The following DNM2 variants were observed in gnomAD, a reference collection of about 807,000 sequenced individuals.
DNM2 encodes the protein dynamin 2, also known as dynamin-2.
A neutral mutation model predicts 99.0 loss-of-function variants in DNM2; 15 were observed. The observed-to-expected ratio is 0.15, with a 90% confidence interval of 0.10 to 0.23. DNM2 has a LOEUF of 0.23. DNM2 is among the 10% of genes least tolerant of loss of function. The probability of loss-of-function intolerance (pLI) is 1.00; values close to 1 mark genes in which losing one functional copy is unlikely to be tolerated. For synonymous variants in DNM2, 525 were observed against 481.2 expected (o/e 1.09, Z -1.19); for missense variants, 742 against 1,189.4 (o/e 0.62, Z 5.53).
chr19:10,830,000 G>C, intron 19 of DNM2, 127 bp from the exon 20 acceptor site: 1 of 1,400,942 alleles, frequency 7.1e-7, no homozygotes, highest in Middle Eastern at 2.1e-4. Context: ...GTTGGGGTGG[G>C]AGGATCCCAC....
At position 10,765,621 on chromosome 19, in the gene DNM2, G is replaced by A. The variant is rs773851841; in HGVS notation, c.235+5810G>A. ...CTGGGAGATATTTGCGTATTGCCTC[G>A]GATTAGAGAGAACTCAAGGGCTAAA... On this transcript the variant is annotated intron_variant, in intron 2 of 20. Coordinates refer to ENST00000389253, the MANE Select transcript of DNM2 (RefSeq NM_001005361.3). The surrounding 1 kb of genome is among the most constrained non-coding windows in gnomAD (Gnocchi z 4.4). Among the ~76,000 whole-genome samples the A allele has an allele frequency of 6.6e-6, 1 of 152,150 alleles. No individual in the cohort carries two copies. Among genetic ancestry groups the A allele is most frequent in the Non-Finnish European group, 1.5e-5 (1 of 68,024 alleles).
chr19:10,824,099 C>T, intron 17 of DNM2, 200 bp downstream of exon 17: 1 of 599,004 alleles, frequency 1.7e-6, no homozygotes, highest in Non-Finnish European at 3.0e-6. Flanking sequence ...CTCACGGAAG[C>T]CAGTGACCGG....
At chr19:10,809,623 C>G (rs986703769) in intron 14 of DNM2, 3 of 152,526 alleles carry the variant, frequency 2.0e-5, no homozygotes, top group Admixed American at 6.5e-5. Flanking sequence ...GCTCAAGGAG[C>G]TCACCTCTAG....
intron 1 of DNM2, among the ~76,000 whole-genome samples, chr19:10,731,647 C>T (rs1294366359): frequency 1.3e-5 from 2 of 152,248 alleles, no homozygotes; most frequent in Non-Finnish European, 1.5e-5. Context: ...AGCCGCCGTG[C>T]CCGGCCCCCA....
chr19:10,741,912 ACCTTCCTCTTTC>A (rs368532099), intron 1 of DNM2, among the ~76,000 whole-genome samples: 2 of 134,906 alleles, frequency 1.5e-5, no homozygotes, highest in African/African-American at 5.7e-5. Context: ...CTTCCTCTTT[ACCTTCCTCTTTC>A]CCTCCCTCCC....
At chr19:10,728,719 G>A (rs932001524) in intron 1 of DNM2, among the ~76,000 whole-genome samples, 3 of 152,092 alleles carry the variant, frequency 2.0e-5, no homozygotes, top group Non-Finnish European at 4.4e-5. Context: ...AGGCCAAGGC[G>A]GGCAGATCAC....
chr19:10,792,019 C>T (rs1449954492), intron 7 of DNM2, among the ~76,000 whole-genome samples: 3 of 152,104 alleles, frequency 2.0e-5, no homozygotes, highest in Non-Finnish European at 1.5e-5. Flanking sequence ...ACCCGGCAGG[C>T]GGAGGTTGCA....
intron 1 of DNM2, among the ~76,000 whole-genome samples, chr19:10,756,083 A>G (rs1177315253): frequency 6.6e-6 from 1 of 152,126 alleles, no homozygotes; most frequent in Admixed American, 6.6e-5. Flanking sequence ...TGTGGCGTTC[A>G]TGAGGTTAAT....
At chr19:10,732,029 G>A (rs191873915) in intron 1 of DNM2, among the ~76,000 whole-genome samples, 5 of 148,588 alleles carry the variant, frequency 3.4e-5, no homozygotes, top group Non-Finnish European at 7.4e-5. Context: ...ATCTCGGCTC[G>A]CTGCAACCTC....
chr19:10,765,696 G>T lies in DNM2; in HGVS notation c.235+5885G>T, dbSNP rs959691268. 3.3e-5 allele frequency among the ~76,000 whole-genome samples: 5 copies of T among 152,230 alleles called. No individual in the cohort carries two copies. The highest frequency in any genetic ancestry group is 1.2e-4 in the African/African-American group (5 of 41,466). On this transcript the variant is annotated intron_variant, in intron 2 of 20. Coordinates refer to ENST00000389253, the MANE Select transcript of DNM2 (RefSeq NM_001005361.3). The surrounding 1 kb of genome is among the most constrained non-coding windows in gnomAD (Gnocchi z 4.4). ...GTGCCCACTTCTTGGTCTGCTGAAG[G>T]CTCTCAAAAGTCCTGCATGAGTGGA...
intron 1 of DNM2, among the ~76,000 whole-genome samples, chr19:10,750,825 TG>T (rs1490256403): frequency 6.6e-6 from 1 of 151,108 alleles, no homozygotes; most frequent in Non-Finnish European, 1.5e-5. Flanking sequence ...CCCAGCTACT[TG>T]GGGGGCTGAG....
chr19:10,754,419 A>AT (rs372023787), intron 1 of DNM2, among the ~76,000 whole-genome samples: 1,772 of 151,668 alleles, frequency 0.012, 13 homozygotes, highest in Non-Finnish European at 0.018. Flanking sequence ...CGCCTGGCTA[A>AT]TTTTTTGTAT....
At chr19:10,793,649 G>T in intron 7 of DNM2, 71 bp from the exon 8 acceptor site, 1 of 1,613,648 alleles carries the variant, frequency 6.2e-7, no homozygotes, top group South Asian at 1.1e-5. Context: ...ACCCTGGCTT[G>T]ACTTGGAACA....
chr19:10,757,017 G>A (rs1160415246), intron 1 of DNM2, among the ~76,000 whole-genome samples: 1 of 152,146 alleles, frequency 6.6e-6, no homozygotes, highest in Non-Finnish European at 1.5e-5. Flanking sequence ...AACATTTATT[G>A]TAATCCATCC....
At chr19:10,806,016 C>T (rs763123743) in intron 13 of DNM2, 49 bp downstream of exon 13, 35 of 1,611,780 alleles carry the variant, frequency 2.2e-5, no homozygotes, top group East Asian at 2.0e-4. Context: ...GGCGGGAGGA[C>T]GCTAAGTGAC....
At chr19:10,719,711 A>G (rs1162451586) in intron 1 of DNM2, among the ~76,000 whole-genome samples, 1 of 152,010 alleles carries the variant, frequency 6.6e-6, no homozygotes, top group Non-Finnish European at 1.5e-5. Flanking sequence ...CATTATTGTC[A>G]TTGTTATTGT....
In DNM2 at chr19:10,817,830, C is replaced by T. The variant is rs1349455430; in HGVS notation, c.1672-2150C>T. ...GTGTGTGTGTGTGCGCGCGCGCGCACGCGTGCGTGCCGGCAGCACCAGGAA... is the reference window on the plus strand; with the variant it reads ...GTGTGTGTGTGTGCGCGCGCGCGCATGCGTGCGTGCCGGCAGCACCAGGAA... On this transcript the variant is annotated intron_variant, in intron 15 of 20. Coordinates refer to ENST00000389253, the MANE Select transcript of DNM2 (RefSeq NM_001005361.3). The surrounding 1 kb of genome is among the most constrained non-coding windows in gnomAD (Gnocchi z 4.6). 2.0e-5 allele frequency among the ~76,000 whole-genome samples: 3 copies of T among 147,302 alleles called. No homozygotes were observed. Among genetic ancestry groups the T allele is most frequent in the Non-Finnish European group, 3.0e-5 (2 of 66,266 alleles).
intron 5 of DNM2, among the ~76,000 whole-genome samples, chr19:10,779,498 CTTTCTTTT>C (rs1715022991): frequency 1.8e-5 from 1 of 54,460 alleles, no homozygotes; most frequent in South Asian, 6.7e-4. Flanking sequence ...TTCTTTCTTT[CTTTCTTTT>C]TTTTTTTTTT....
chr19:10,727,601 C>A (rs1157099176), intron 1 of DNM2, among the ~76,000 whole-genome samples: 2 of 151,482 alleles, frequency 1.3e-5, no homozygotes, highest in Non-Finnish European at 2.9e-5. Flanking sequence ...AACCCCTGGG[C>A]TCAAGTGATT....
Sources: allele counts gnomAD v4.1 joint callset (sites outside exome capture counted in the v4.1 genomes callset), GRCh38; gene constraint gnomAD v4.1.1; non-coding constraint Gnocchi (gnomAD v3.1); transcripts MANE v1.5; gene names NCBI Gene and HGNC (gene_info 2026-07-23, HGNC 2026-07-21).